The following TTC1 variants were observed in gnomAD, a reference collection of about 807,000 sequenced individuals.
TTC1 encodes tetratricopeptide repeat domain 1.
TTC1 carries 31 observed loss-of-function variants against 37.6 expected under a neutral mutation model. The ratio of observed to expected loss-of-function variants is 0.82; its 90% CI spans 0.62 to 1.11. The LOEUF is 1.11. Among genes scored for constraint, TTC1 ranks in the 50% most tolerant of loss-of-function variants. The pLI is 0.00. For missense variants in TTC1, 351 were observed against 339.0 expected, an observed-to-expected ratio of 1.04 and a Z score of -0.28; for synonymous variants, 127 against 122.4, an observed-to-expected ratio of 1.04 and a Z score of -0.25.
Position 160,016,073 on chromosome 5 carries a change from T to C in TTC1, c.330+5215T>C, listed in dbSNP as rs573976068. On this transcript the variant is annotated intron_variant, in intron 2 of 7. Coordinates refer to ENST00000231238, the MANE Select transcript of TTC1 (RefSeq NM_003314.3). ...GTTGTTATATTTATGTAGTATACAA[T>C]GCAGTTGTTAAAGGTAAATCTTGGC... Among the ~76,000 whole-genome samples the C allele has an allele frequency of 2.0e-3, 299 of 152,274 alleles. 3 individuals are homozygous for C. The highest frequency in any genetic ancestry group is 6.8e-3 in the Middle Eastern group (2 of 294).
intron 5 of TTC1, among the ~76,000 whole-genome samples, chr5:160,045,561 C>T (rs1274062529): frequency 3.6e-5 from 5 of 138,896 alleles, no homozygotes; most frequent in African/African-American, 1.1e-4. Context: ...CTCCCCCTCC[C>T]CTCTCTCAAT....
At chr5:160,035,532 G>A (rs936031750) in intron 3 of TTC1, among the ~76,000 whole-genome samples, 3 of 152,262 alleles carry the variant, frequency 2.0e-5, no homozygotes, top group African/African-American at 7.2e-5. Context: ...TGCTGTGAAA[G>A]CAGAGTCGCC....
rs530399906 is a variant in TTC1, at chr5:160,024,203, C to G, written c.331-10937C>G. Among the ~76,000 whole-genome samples the G allele has an allele frequency of 5.9e-5, 9 of 152,312 alleles. No individual in the cohort carries two copies. In the South Asian group the frequency reaches 1.9e-3, roughly 32 times the overall value. ...AGGGGTTTAATGTCCTTACTGGAGA[C>G]TATATTTAGCTCTTGAAAGATAAAA... On this transcript the variant is annotated intron_variant, in intron 2 of 7. Transcript: ENST00000231238.
chr5:160,064,569 G>A (rs535750290), intron 7 of TTC1, among the ~76,000 whole-genome samples: 1 of 152,330 alleles, frequency 6.6e-6, no homozygotes, highest in South Asian at 2.1e-4. Context: ...TTGGCAGGGT[G>A]CCTTGAGCCT....
At chr5:160,031,165 T>C (rs79078808) in intron 2 of TTC1, among the ~76,000 whole-genome samples, 1 of 152,092 alleles carries the variant, frequency 6.6e-6, no homozygotes, top group Admixed American at 6.5e-5. Context: ...AAAGTGCTAT[T>C]TTTAGCTGTT....
intron 2 of TTC1, among the ~76,000 whole-genome samples, chr5:160,028,095 C>G (rs922723764): frequency 7.2e-5 from 11 of 152,130 alleles, no homozygotes; most frequent in African/African-American, 2.6e-4. Context: ...GTCAGGAGAT[C>G]GAGACCATCC....
chr5:160,064,767 G>C (rs2113431110), intron 7 of TTC1, among the ~76,000 whole-genome samples, 165 bp from the exon 8 acceptor site: 1 of 152,306 alleles, frequency 6.6e-6, no homozygotes. Flanking sequence ...GGGAATAGGG[G>C]CTGGGAACTC....
chr5:160,041,339 G>GT (rs1757089771), intron 4 of TTC1, among the ~76,000 whole-genome samples: 1 of 143,378 alleles, frequency 7.0e-6, no homozygotes, highest in South Asian at 2.2e-4. Flanking sequence ...TGGAGATAGA[G>GT]TTACTCTGTT....
chr5:160,033,085 A>G (rs890208388), intron 2 of TTC1, among the ~76,000 whole-genome samples: 7 of 151,960 alleles, frequency 4.6e-5, no homozygotes, highest in Non-Finnish European at 1.0e-4. Flanking sequence ...GAGCACTGAT[A>G]CCTTGCCAGT....
At chr5:160,055,022 G>A (rs1460649047) in intron 7 of TTC1, among the ~76,000 whole-genome samples, 3 of 152,190 alleles carry the variant, frequency 2.0e-5, no homozygotes, top group Non-Finnish European at 4.4e-5. Flanking sequence ...TGGGAGGAGT[G>A]CCTTCCTGGG....
intron 4 of TTC1, among the ~76,000 whole-genome samples, chr5:160,041,541 GA>G (rs1484463510): frequency 6.6e-6 from 1 of 151,966 alleles, no homozygotes; most frequent in East Asian, 1.9e-4. Context: ...TTGAACTCCT[GA>G]CCTCAGGTGA....
intron 7 of TTC1, among the ~76,000 whole-genome samples, chr5:160,053,656 C>T (rs1757468867): frequency 6.6e-6 from 1 of 152,136 alleles, no homozygotes. Flanking sequence ...CTTTCAGAGT[C>T]TTTTGTGGTT....
intron 4 of TTC1, among the ~76,000 whole-genome samples, chr5:160,039,769 A>G (rs941152306): frequency 6.6e-6 from 1 of 152,226 alleles, no homozygotes; most frequent in African/African-American, 2.4e-5. Flanking sequence ...TTGAAAAAAT[A>G]TTGACTTATA....
Position 160,065,445 on chromosome 5 carries a change from GGGTTCCCGCCT to G in TTC1, c.*382_*392del. The G allele has an allele frequency of 2.2e-6, 1 of 462,672 alleles. No homozygotes were observed. The highest frequency in any genetic ancestry group is 1.6e-5 in the South Asian group (1 of 64,496). 28.7% of individuals were successfully genotyped at this position (462,672 alleles called of 1,614,324 possible). A position where few individuals can be genotyped will look rare whatever the true frequency, so the allele number is the denominator to read the frequency against. On this transcript the variant is annotated 3_prime_UTR_variant, in exon 8 of 8. Coordinates refer to ENST00000231238, the MANE Select transcript of TTC1 (RefSeq NM_003314.3). ...AGACTGCCCAGACATGATTGATGAC[GGGTTCCCGCCT>G]GCTGTCCCCTCCCTGATCACACAGC...
intron 6 of TTC1, among the ~76,000 whole-genome samples, chr5:160,050,478 A>G (rs558987736): frequency 6.6e-6 from 1 of 152,290 alleles, no homozygotes; most frequent in Non-Finnish European, 1.5e-5. Context: ...GAATTTAAAA[A>G]AAAGTTAAAA....
At chr5:160,050,614 G>C (rs1757376151) in intron 6 of TTC1, among the ~76,000 whole-genome samples, 1 of 146,540 alleles carries the variant, frequency 6.8e-6, no homozygotes, top group Non-Finnish European at 1.5e-5. Context: ...ACTGGAAACA[G>C]AGCCAAACAA....
At chr5:160,043,274 G>T (rs1472324913) in intron 5 of TTC1, 105 bp downstream of exon 5, 9 of 1,184,822 alleles carry the variant, frequency 7.6e-6, no homozygotes, top group Non-Finnish European at 1.1e-5. Flanking sequence ...CTTCCTCTGG[G>T]GCCTTGCAAG....
At position 160,063,984 on chromosome 5, in the gene TTC1, T is replaced by TTTTTG. The variant is rs1482966350; in HGVS notation, c.746-946_746-945insTTGTT. On this transcript the variant is annotated intron_variant, in intron 7 of 7. Transcript: ENST00000231238. ...ACCATGACTTTTTTTTTTTTTTTTT[T>TTTTTG]TTGAGACGGAGTCTCACTCTGTCAC... Among the ~76,000 whole-genome samples the TTTTTG allele has an allele frequency of 3.9e-3, 581 of 149,738 alleles. 11 individuals carry two copies. Among genetic ancestry groups the TTTTTG allele is most frequent in the African/African-American group, 0.014 (549 of 40,498 alleles).
chr5:160,047,010 T>TA lies in TTC1; in HGVS notation c.542-2496dup, dbSNP rs1177765153. 5.9e-5 allele frequency among the ~76,000 whole-genome samples: 9 copies of TA among 151,898 alleles called. No homozygotes were observed. In the South Asian group the frequency reaches 6.2e-4, roughly 11 times the overall value. ...CTGGGTGACAGAGCAAGATTCCGTC[T>TA]AAAAAAAAGAAATTGGAGCAACAAA... On this transcript the variant is annotated intron_variant, in intron 5 of 7. Transcript: ENST00000231238.
Sources: allele counts gnomAD v4.1 joint callset (sites outside exome capture counted in the v4.1 genomes callset), GRCh38; gene constraint gnomAD v4.1.1; transcripts MANE v1.5; gene names NCBI Gene and HGNC (gene_info 2026-07-23, HGNC 2026-07-21).